The following DCDC1 variants were observed in gnomAD, a reference collection of about 807,000 sequenced individuals.
The protein encoded by DCDC1 is doublecortin domain containing 1.
Under a neutral mutation model 178.3 loss-of-function variants are expected in DCDC1, and 200 were observed. That is an observed-to-expected ratio of 1.12 (90% CI 1.00 to 1.26). The LOEUF is 1.26. Ranked by LOEUF, DCDC1 falls within the 50% of genes most tolerant of loss-of-function variation. The pLI, the probability that DCDC1 is intolerant of heterozygous loss-of-function variation, is 0.00. For missense variants in DCDC1, 1,983 were observed against 1,749.2 expected, an observed-to-expected ratio of 1.13 and a Z score of -2.38; for synonymous variants, 690 against 604.8, an observed-to-expected ratio of 1.14 and a Z score of -2.07.
At chr11:31,211,380 A>T (rs529471172) in intron 9 of DCDC1, among the ~76,000 whole-genome samples, 1 of 152,348 alleles carries the variant, frequency 6.6e-6, no homozygotes, top group East Asian at 1.9e-4. Context: ...GCACAACTGC[A>T]TCCTCAAAAT....
At chr11:31,091,543 T>G (rs1430243873) in intron 16 of DCDC1, 32 bp from the exon 17 acceptor site, 2 of 709,062 alleles carry the variant, frequency 2.8e-6, no homozygotes, top group Non-Finnish European at 5.2e-6. Context: ...GAGAAAGGTC[T>G]AAATAAGTTA....
At chr11:30,918,947 G>T (rs1316060505) in intron 25 of DCDC1, among the ~76,000 whole-genome samples, 2 of 152,070 alleles carry the variant, frequency 1.3e-5, no homozygotes, top group Non-Finnish European at 2.9e-5. Flanking sequence ...AATCAAAAAG[G>T]ATCCTTCTAG....
At chr11:31,014,975 T>C (rs1402972227) in intron 20 of DCDC1, among the ~76,000 whole-genome samples, 2 of 148,402 alleles carry the variant, frequency 1.3e-5, no homozygotes, top group Non-Finnish European at 3.0e-5. Flanking sequence ...TGAGATGGAG[T>C]CTCGCTCTGT....
At chr11:31,177,842 T>C (rs1051631980) in intron 9 of DCDC1, among the ~76,000 whole-genome samples, 4 of 152,002 alleles carry the variant, frequency 2.6e-5, no homozygotes, top group Non-Finnish European at 2.9e-5. Context: ...TAAATATAAA[T>C]ACATCCAACA....
chr11:31,194,993 C>T lies in DCDC1; in HGVS notation c.1221+46457G>A, dbSNP rs111637336. 1.2e-3 allele frequency among the ~76,000 whole-genome samples: 181 copies of T among 152,166 alleles called. 2 individuals are homozygous for T. Among genetic ancestry groups the T allele is most frequent in the African/African-American group, 4.1e-3 (169 of 41,548 alleles). On this transcript the variant is annotated intron_variant, in intron 9 of 38. Transcript: ENST00000684477. ...CTTTTCCCCTCCGGACATCTATCTGCCCCCTTACCATACTGTGCACTTTGA... is the reference window on the plus strand; with the variant it reads ...CTTTTCCCCTCCGGACATCTATCTGTCCCCTTACCATACTGTGCACTTTGA...
intron 9 of DCDC1, among the ~76,000 whole-genome samples, chr11:31,198,706 C>G (rs1300123131): frequency 1.3e-5 from 2 of 151,952 alleles, no homozygotes; most frequent in East Asian, 3.9e-4. Flanking sequence ...ATTAGAGTGG[C>G]CCCTTTCTAC....
At chr11:31,004,932 T>G (rs1158240358) in intron 20 of DCDC1, among the ~76,000 whole-genome samples, 1 of 152,156 alleles carries the variant, frequency 6.6e-6, no homozygotes, top group Admixed American at 6.5e-5. Flanking sequence ...GATTGCTACT[T>G]TTCTAGAAAC....
chr11:31,364,574 A>G (rs1951868837), intron 1 of DCDC1, among the ~76,000 whole-genome samples: 1 of 152,222 alleles, frequency 6.6e-6, no homozygotes, highest in Non-Finnish European at 1.5e-5. Context: ...ACATAATGCT[A>G]AAAAACAAGA....
intron 20 of DCDC1, among the ~76,000 whole-genome samples, chr11:31,035,322 A>T (rs1293840526): frequency 1.3e-5 from 2 of 152,110 alleles, no homozygotes; most frequent in Non-Finnish European, 2.9e-5. Flanking sequence ...TTTTTCCACT[A>T]ATGTCCTTTT....
In DCDC1 at chr11:30,911,488, T is replaced by G. The variant is rs1243157515; in HGVS notation, c.3654-68A>C. On this transcript the variant is annotated intron_variant, in intron 27 of 38. Transcript: ENST00000684477. ...AGATTAGATCTCCCTCTGTGCCACT[T>G]AGCACTGTGTTGCCTCTCAGCTCCA... 3.3e-6 allele frequency: 4 copies of G among 1,224,772 alleles called. No individual in the cohort carries two copies. In the African/African-American group the frequency reaches 6.0e-5, roughly 18 times the overall value. The allele number at this position is 1,224,772 out of a possible 1,614,324, so 75.9% of individuals were successfully genotyped here.
At chr11:31,053,918 AG>A (rs757714700) in intron 20 of DCDC1, among the ~76,000 whole-genome samples, 8 of 152,170 alleles carry the variant, frequency 5.3e-5, no homozygotes, top group Non-Finnish European at 1.0e-4. Context: ...CAACAAGACA[AG>A]GATGCCCACT....
intron 6 of DCDC1, among the ~76,000 whole-genome samples, chr11:31,295,018 A>T (rs1249748225): frequency 6.6e-6 from 1 of 152,122 alleles, no homozygotes; most frequent in Non-Finnish European, 1.5e-5. Context: ...TGAAGAAAGT[A>T]CAGTTGTCCC....
At chr11:31,002,907 T>G (rs1951650036) in intron 20 of DCDC1, among the ~76,000 whole-genome samples, 2 of 152,090 alleles carry the variant, frequency 1.3e-5, no homozygotes, top group Non-Finnish European at 2.9e-5. Context: ...ACACAATTAT[T>G]AACATGCTAC....
intron 9 of DCDC1, among the ~76,000 whole-genome samples, chr11:31,191,125 G>GTT (rs2136349996): frequency 6.6e-6 from 1 of 152,210 alleles, no homozygotes; most frequent in East Asian, 1.9e-4. Context: ...GGAAGTGATT[G>GTT]TTATCAGTTA....
At chr11:31,147,690 G>T (rs894211886) in intron 9 of DCDC1, among the ~76,000 whole-genome samples, 1 of 152,188 alleles carries the variant, frequency 6.6e-6, no homozygotes, top group African/African-American at 2.4e-5. Flanking sequence ...GAGGACATAT[G>T]TGACATATCT....
rs555970290 is a variant in DCDC1, at chr11:31,036,965, G to C, written c.2591+27504C>G. ...CTATTATGCAGATATGGAAAACTGA[G>C]AGATAGAGAGGTAAGTAACATGCCC... is the stretch of plus-strand genomic sequence containing the variant. On this transcript the variant is annotated intron_variant, in intron 20 of 38. Transcript: ENST00000684477. Among the ~76,000 whole-genome samples, 128 of 152,266 alleles carry C rather than the reference G, an allele frequency of 8.4e-4. 3 individuals are homozygous for C. The South Asian group carries it at 0.025, about 30-fold the overall frequency.
chr11:31,090,628 A>G (rs965143053), intron 17 of DCDC1, among the ~76,000 whole-genome samples: 34 of 152,134 alleles, frequency 2.2e-4, no homozygotes, highest in South Asian at 4.1e-4. Context: ...ATTCTTAATC[A>G]TTACATGATA....
intron 9 of DCDC1, among the ~76,000 whole-genome samples, chr11:31,213,248 T>C: frequency 6.6e-6 from 1 of 150,990 alleles, no homozygotes; most frequent in African/African-American, 2.4e-5. Context: ...GGTTGGATAT[T>C]TTCTATTCAG....
At chr11:31,293,595 T>C (rs1183221371) in intron 6 of DCDC1, among the ~76,000 whole-genome samples, 1 of 151,874 alleles carries the variant, frequency 6.6e-6, no homozygotes, top group Admixed American at 6.5e-5. Flanking sequence ...CAGCCCTGGC[T>C]GAAACTGTCT....
Sources: allele counts gnomAD v4.1 joint callset (sites outside exome capture counted in the v4.1 genomes callset), GRCh38; gene constraint gnomAD v4.1.1; transcripts MANE v1.5; gene names NCBI Gene and HGNC (gene_info 2026-07-23, HGNC 2026-07-21).